The following MGMT variants were observed in gnomAD, a reference collection of about 807,000 sequenced individuals.
MGMT encodes the protein methylated-DNA--protein-cysteine methyltransferase.
In MGMT, 14 loss-of-function variants were observed where a neutral mutation model predicts 15.9. The observed-to-expected ratio is 0.88, with a 90% confidence interval of 0.58 to 1.37. MGMT has a LOEUF of 1.37. Ranked by LOEUF, MGMT falls within the 40% of genes most tolerant of loss-of-function variation. MGMT has a pLI of 0.00. For synonymous variants in MGMT, 130 were observed against 118.2 expected (o/e 1.10, Z -0.65); for missense variants, 282 against 268.1 (o/e 1.05, Z -0.36).
intron 2 of MGMT, among the ~76,000 whole-genome samples, chr10:129,662,243 A>G (rs954172147): frequency 1.3e-5 from 2 of 152,204 alleles, no homozygotes; most frequent in African/African-American, 2.4e-5. Flanking sequence ...GGTCATAGGT[A>G]GGAATCAAAG....
intron 2 of MGMT, among the ~76,000 whole-genome samples, chr10:129,645,358 G>T (rs1010489454): frequency 2.0e-5 from 3 of 152,184 alleles, no homozygotes; most frequent in African/African-American, 4.8e-5. Flanking sequence ...CTGACCTCAG[G>T]TGATCCACCC....
At chr10:129,593,234 G>A (rs756628379) in intron 2 of MGMT, among the ~76,000 whole-genome samples, 2 of 152,232 alleles carry the variant, frequency 1.3e-5, no homozygotes, top group East Asian at 1.9e-4. Context: ...CGCAGTGGGC[G>A]CTGTTGGGAT....
Position 129,696,201 on chromosome 10 carries a change from TG to T in MGMT, c.126-11690del, listed in dbSNP as rs144245454. Among the ~76,000 whole-genome samples the T allele has an allele frequency of 3.2e-3, 482 of 152,002 alleles. 3 individuals carry two copies. The highest frequency in any genetic ancestry group is 0.011 in the African/African-American group (474 of 41,444). On this transcript the variant is annotated intron_variant, in intron 2 of 4. Coordinates refer to ENST00000651593, the MANE Select transcript of MGMT (RefSeq NM_002412.5). Reference sequence around the variant, plus strand: ...AGCATAGATGCCTTAGTGTAACGAGTGGGGCTGCTGGAACTCAACAGACTAT... The same window carrying T: ...AGCATAGATGCCTTAGTGTAACGAGTGGGCTGCTGGAACTCAACAGACTAT...
At chr10:129,521,628 G>A (rs913700575) in intron 1 of MGMT, among the ~76,000 whole-genome samples, 3 of 152,204 alleles carry the variant, frequency 2.0e-5, no homozygotes, top group African/African-American at 7.2e-5. Flanking sequence ...CAGGGAGGGT[G>A]TTTCCACCTG....
At chr10:129,470,938 A>G (rs1043308468) in intron 1 of MGMT, among the ~76,000 whole-genome samples, 2 of 152,208 alleles carry the variant, frequency 1.3e-5, no homozygotes, top group Non-Finnish European at 2.9e-5. Flanking sequence ...GTGAGAGTGC[A>G]ATAAATGCCT....
chr10:129,754,636 G>A (rs1267499115), intron 3 of MGMT, among the ~76,000 whole-genome samples: 3 of 152,228 alleles, frequency 2.0e-5, no homozygotes, highest in Non-Finnish European at 2.9e-5. Flanking sequence ...GGAATTTATT[G>A]GGCTCACAGC....
rs1846210261 is a variant in MGMT, at chr10:129,556,120, A to T, written c.125+19743A>T. On this transcript the variant is annotated intron_variant, in intron 2 of 4. Transcript: ENST00000651593. This position sits in a 1 kb window ranked among gnomAD's most constrained non-coding sequence, Gnocchi z 4.3. ...TTGGTGACTCTTGCCTTGGACCCTG[A>T]TGGCGCTGGGGGGTTTCATCGCCAT... is the stretch of plus-strand genomic sequence containing the variant. Among the ~76,000 whole-genome samples, 1 of 152,112 alleles carries T rather than the reference A, an allele frequency of 6.6e-6. No individual in the cohort carries two copies. Among genetic ancestry groups the T allele is most frequent in the Admixed American group, 6.5e-5 (1 of 15,270 alleles).
intron 2 of MGMT, among the ~76,000 whole-genome samples, chr10:129,621,468 TG>T (rs1847089524): frequency 6.6e-6 from 1 of 152,252 alleles, no homozygotes; most frequent in Non-Finnish European, 1.5e-5. Flanking sequence ...GTTCTAAATA[TG>T]TTGAAAGGGC....
intron 3 of MGMT, among the ~76,000 whole-genome samples, chr10:129,738,437 G>T: frequency 6.6e-6 from 1 of 152,212 alleles, no homozygotes; most frequent in African/African-American, 2.4e-5. Flanking sequence ...CGCACCCACT[G>T]ACCTGCGCCC....
intron 2 of MGMT, among the ~76,000 whole-genome samples, chr10:129,646,012 C>T (rs1190666738): frequency 6.6e-6 from 1 of 152,156 alleles, no homozygotes; most frequent in Non-Finnish European, 1.5e-5. Flanking sequence ...CGTTTCCTTC[C>T]TTGGTCTCAG....
At chr10:129,508,871 C>T (rs1380772342) in intron 1 of MGMT, among the ~76,000 whole-genome samples, 2 of 151,888 alleles carry the variant, frequency 1.3e-5, no homozygotes, top group Non-Finnish European at 2.9e-5. Flanking sequence ...TGGAAAACCC[C>T]ATTAAATAGC....
chr10:129,726,692 T>G (rs1848438144), intron 3 of MGMT, among the ~76,000 whole-genome samples: 1 of 152,222 alleles, frequency 6.6e-6, no homozygotes, highest in East Asian at 1.9e-4. Flanking sequence ...TCATTTTCAG[T>G]TTTGTCTCTT....
chr10:129,632,168 CTT>C (rs1460997307), intron 2 of MGMT, among the ~76,000 whole-genome samples: 2 of 152,244 alleles, frequency 1.3e-5, no homozygotes, highest in Middle Eastern at 3.2e-3. Flanking sequence ...TTAGACATGA[CTT>C]TTATTGGATA....
chr10:129,615,256 A>T (rs1439962386), intron 2 of MGMT, among the ~76,000 whole-genome samples: 1 of 152,176 alleles, frequency 6.6e-6, no homozygotes, highest in African/African-American at 2.4e-5. Context: ...GTGGGTGAGG[A>T]AGAGCCCTTG....
chr10:129,586,831 C>T (rs1286791135), intron 2 of MGMT, among the ~76,000 whole-genome samples: 1 of 152,122 alleles, frequency 6.6e-6, no homozygotes, highest in Non-Finnish European at 1.5e-5. Flanking sequence ...ATCCCTCTGC[C>T]GTTTTTATGA....
chr10:129,580,426 G>A (rs1258581540), intron 2 of MGMT, among the ~76,000 whole-genome samples: 1 of 152,218 alleles, frequency 6.6e-6, no homozygotes, highest in Admixed American at 6.5e-5. Flanking sequence ...AGGTCACACA[G>A]CTCTTCAGAG....
At chr10:129,627,985 A>G (rs1165824854) in intron 2 of MGMT, among the ~76,000 whole-genome samples, 1 of 152,192 alleles carries the variant, frequency 6.6e-6, no homozygotes, top group Non-Finnish European at 1.5e-5. Context: ...CTTGATAATG[A>G]CGCCACTTTG....
chr10:129,653,458 T>C (rs995336674), intron 2 of MGMT, among the ~76,000 whole-genome samples: 13 of 152,222 alleles, frequency 8.5e-5, no homozygotes, highest in Non-Finnish European at 1.6e-4. Context: ...GTGTGTGTAT[T>C]ACTAATCAAG....
At chr10:129,539,726 TC>T (rs1164325881) in intron 2 of MGMT, among the ~76,000 whole-genome samples, 1 of 152,192 alleles carries the variant, frequency 6.6e-6, no homozygotes, top group East Asian at 1.9e-4. Flanking sequence ...CAGGATGGTC[TC>T]CATCTCCTGA....
Sources: gnomAD v4.1 joint callset for allele counts (sites outside exome capture counted in the v4.1 genomes callset) on GRCh38, gnomAD v4.1.1 for gene constraint, Gnocchi (gnomAD v3.1) non-coding constraint, MANE v1.5 for transcripts, NCBI Gene and HGNC (gene_info 2026-07-23, HGNC 2026-07-21) for gene names.